The following SEL1L3 variants were observed in gnomAD, a reference collection of about 807,000 sequenced individuals.
SEL1L3 encodes the protein SEL1L family member 3.
A neutral mutation model predicts 142.8 loss-of-function variants in SEL1L3; 76 were observed. The observed-to-expected ratio is 0.53, with a 90% CI of 0.44 to 0.64. SEL1L3 has a LOEUF of 0.64. SEL1L3 is among the 30% of genes least tolerant of loss of function. The probability of loss-of-function intolerance (pLI) is 0.00; values close to 1 mark genes in which losing one functional copy is unlikely to be tolerated. For synonymous variants in SEL1L3, 504 were observed against 519.6 expected, an observed-to-expected ratio of 0.97 and a Z score of 0.41; for missense variants, 1,262 against 1,381.7, an observed-to-expected ratio of 0.91 and a Z score of 1.37.
chr4:25,719,112 G>T, the SEL1L3 span: 1 of 152,222 alleles, frequency 6.6e-6, no homozygotes, highest in Non-Finnish European at 1.5e-5. Context: ...GGAGGCGTAG[G>T]TTGCGGTGAG....
intron 9 of SEL1L3, among the ~76,000 whole-genome samples, chr4:25,813,987 T>C (rs1714202172): frequency 6.6e-6 from 1 of 152,118 alleles, no homozygotes; most frequent in African/African-American, 2.4e-5. Context: ...ATGATCCACC[T>C]AAAATCACAC....
the SEL1L3 span, among the ~76,000 whole-genome samples, chr4:25,736,017 G>A: frequency 1.3e-5 from 2 of 151,444 alleles, no homozygotes; most frequent in Admixed American, 6.6e-5. Flanking sequence ...TTTTAGTAGA[G>A]ACGGGGTTTC....
intron 11 of SEL1L3, among the ~76,000 whole-genome samples, chr4:25,796,566 G>A (rs1560308430): frequency 6.6e-6 from 1 of 152,238 alleles, no homozygotes; most frequent in East Asian, 1.9e-4. Context: ...GCCAAGGTGG[G>A]CAGATCGCTT....
chr4:25,798,001 G>C (rs1299650264), intron 11 of SEL1L3, among the ~76,000 whole-genome samples: 2 of 152,212 alleles, frequency 1.3e-5, no homozygotes, highest in Admixed American at 6.5e-5. Flanking sequence ...CAGAGGGGAA[G>C]TGGGAGGGGC....
At chr4:25,851,903 A>AG (rs1716929288) in intron 1 of SEL1L3, among the ~76,000 whole-genome samples, 1 of 151,428 alleles carries the variant, frequency 6.6e-6, no homozygotes, top group African/African-American at 2.4e-5. Context: ...AAAAAAAAAA[A>AG]AAAAGGTCAC....
chr4:25,798,602 C>T (rs1577621605), intron 11 of SEL1L3, among the ~76,000 whole-genome samples: 1 of 152,106 alleles, frequency 6.6e-6, no homozygotes, highest in Non-Finnish European at 1.5e-5. Context: ...CCAAGGTAGG[C>T]GGATCACCTG....
At chr4:25,751,246 G>A (rs1351124915) in intron 23 of SEL1L3, among the ~76,000 whole-genome samples, 2 of 152,034 alleles carry the variant, frequency 1.3e-5, no homozygotes, top group Non-Finnish European at 1.5e-5. Context: ...GAGTGGACAA[G>A]GAGAGTGCTT....
intron 23 of SEL1L3, among the ~76,000 whole-genome samples, chr4:25,753,733 C>A (rs1047678883): frequency 1.3e-5 from 2 of 152,228 alleles, no homozygotes; most frequent in Admixed American, 6.5e-5. Context: ...CCTGTAGTCC[C>A]AGCACTTTGG....
At chr4:25,783,992 G>A (rs1242359331) in intron 14 of SEL1L3, among the ~76,000 whole-genome samples, 1 of 152,148 alleles carries the variant, frequency 6.6e-6, no homozygotes, top group East Asian at 1.9e-4. Context: ...TGACTGGAAG[G>A]TGAATTCAGC....
intron 23 of SEL1L3, chr4:25,755,993 G>A (rs896791128): frequency 2.8e-5 from 28 of 985,286 alleles, no homozygotes; most frequent in South Asian, 9.4e-5. Context: ...AAGCCTGGAA[G>A]GTTTTGATGG....
the SEL1L3 span, chr4:25,720,856 A>G: frequency 1.3e-5 from 2 of 152,150 alleles, no homozygotes; most frequent in Non-Finnish European, 2.9e-5. Context: ...TGGTGAGCCC[A>G]AGTATTTGAA....
intron 11 of SEL1L3, among the ~76,000 whole-genome samples, chr4:25,800,668 T>TA (rs1171200845): frequency 2.0e-5 from 3 of 152,024 alleles, no homozygotes; most frequent in African/African-American, 4.8e-5. Context: ...ATTCTTTTTT[T>TA]AAAAAAAACT....
intron 1 of SEL1L3, among the ~76,000 whole-genome samples, chr4:25,856,593 T>TAA (rs397765802): frequency 0.01 from 1,211 of 117,078 alleles, 10 homozygotes; most frequent in South Asian, 0.036. Flanking sequence ...GTATTGTAAT[T>TAA]AAAAAAAAAA....
the SEL1L3 span, among the ~76,000 whole-genome samples, chr4:25,736,358 G>A: frequency 1.3e-5 from 2 of 151,616 alleles, no homozygotes; most frequent in African/African-American, 4.9e-5. Context: ...TCAGTAGGTG[G>A]GATTACAGCG....
intron 11 of SEL1L3, among the ~76,000 whole-genome samples, chr4:25,794,686 A>C (rs1007401385): frequency 5.3e-5 from 8 of 152,212 alleles, no homozygotes; most frequent in African/African-American, 1.9e-4. Context: ...ACCAGAAATA[A>C]CATTTGACCC....
chr4:25,826,731 C>T (rs1168585466), intron 6 of SEL1L3, among the ~76,000 whole-genome samples: 1 of 152,072 alleles, frequency 6.6e-6, no homozygotes, highest in African/African-American at 2.4e-5. Context: ...GCTCTGTCGC[C>T]CCGGCTGGAG....
At chr4:25,785,807 A>G (rs544865970) in intron 13 of SEL1L3, among the ~76,000 whole-genome samples, 6 of 152,198 alleles carry the variant, frequency 3.9e-5, no homozygotes, top group Non-Finnish European at 8.8e-5. Context: ...TTGAAGTATA[A>G]TAAGTTTATC....
chr4:25,832,689 G>A (rs760671551), intron 5 of SEL1L3, among the ~76,000 whole-genome samples: 1 of 152,116 alleles, frequency 6.6e-6, no homozygotes, highest in Non-Finnish European at 1.5e-5. Flanking sequence ...TCTCCACAAA[G>A]CCTATCTCCC....
chr4:25,734,757 C>T, the SEL1L3 span, among the ~76,000 whole-genome samples: 2 of 151,798 alleles, frequency 1.3e-5, no homozygotes, highest in Non-Finnish European at 2.9e-5. Context: ...TTAGTAGATA[C>T]AGGGTTTCGC....
Sources: allele counts gnomAD v4.1 joint callset (sites outside exome capture counted in the v4.1 genomes callset), GRCh38; gene constraint gnomAD v4.1.1; transcripts MANE v1.5; gene names NCBI Gene and HGNC (gene_info 2026-07-23, HGNC 2026-07-21).